The following MAPDA variants were observed in gnomAD, a reference collection of about 807,000 sequenced individuals.
The protein encoded by MAPDA is N6,N6-dimethyl-AMP deaminase.
chr15:43,346,475 G>C, the MAPDA span, among the ~76,000 whole-genome samples: 1 of 152,184 alleles, frequency 6.6e-6, no homozygotes, highest in Non-Finnish European at 1.5e-5. Flanking sequence ...CTACCCACTA[G>C]ATGCCAGTAG....
At chr15:43,334,899 G>A in the MAPDA span, 1 of 465,830 alleles carries the variant, frequency 2.1e-6, no homozygotes, top group Non-Finnish European at 3.8e-6. Context: ...ACAAAATCCT[G>A]TTTCTTTGCT....
the MAPDA span, chr15:43,330,659 A>G: frequency 4.1e-6 from 3 of 724,154 alleles, no homozygotes; most frequent in Non-Finnish European, 6.4e-6. Context: ...CGCCAACCAG[A>G]ATTGAGGAGG....
chr15:43,349,161 T>G, the MAPDA span: 1 of 1,516,954 alleles, frequency 6.6e-7, no homozygotes, highest in Non-Finnish European at 8.8e-7. Flanking sequence ...ATCTAGCTAT[T>G]AAAAGATGGA....
the MAPDA span, among the ~76,000 whole-genome samples, chr15:43,336,235 G>T: frequency 6.6e-6 from 1 of 151,910 alleles, no homozygotes; most frequent in African/African-American, 2.4e-5. Flanking sequence ...TTAGAGATGG[G>T]GGTCTCCCTA....
At chr15:43,335,246 A>G in the MAPDA span, 12 of 1,538,284 alleles carry the variant, frequency 7.8e-6, no homozygotes, top group Admixed American at 8.7e-5. Flanking sequence ...TCATCAAAGT[A>G]AATTTTGGCT....
the MAPDA span, chr15:43,345,781 T>G: frequency 3.8e-6 from 6 of 1,572,938 alleles, no homozygotes; most frequent in South Asian, 4.5e-5. Context: ...GCCATCTCTG[T>G]CTGGCTGTAC....
the MAPDA span, chr15:43,332,358 A>G: frequency 1.3e-5 from 2 of 151,900 alleles, no homozygotes; most frequent in Non-Finnish European, 2.9e-5. Flanking sequence ...TTCGTGAGGT[A>G]TCTCAGGGTT....
the MAPDA span, among the ~76,000 whole-genome samples, chr15:43,345,491 G>A: frequency 6.6e-6 from 1 of 152,214 alleles, no homozygotes; most frequent in Non-Finnish European, 1.5e-5. Flanking sequence ...AGGGTGGGAG[G>A]TGGGAGGAGA....
chr15:43,338,679 G>A, the MAPDA span, among the ~76,000 whole-genome samples: 2 of 152,180 alleles, frequency 1.3e-5, no homozygotes, highest in Non-Finnish European at 2.9e-5. Flanking sequence ...GCATAGGAGA[G>A]GAAAGCCCAA....
the MAPDA span, chr15:43,346,113 TC>T: frequency 6.4e-6 from 8 of 1,248,452 alleles, no homozygotes; most frequent in African/African-American, 1.0e-4. Flanking sequence ...GAAGGCCTGT[TC>T]TGCCCTGGAT....
At chr15:43,347,356 CTA>C in the MAPDA span, among the ~76,000 whole-genome samples, 1 of 152,116 alleles carries the variant, frequency 6.6e-6, no homozygotes, top group Non-Finnish European at 1.5e-5. Flanking sequence ...TGACGTCTTG[CTA>C]GAGAAAATGC....
the MAPDA span, chr15:43,335,742 A>G: frequency 6.2e-7 from 1 of 1,613,970 alleles, no homozygotes; most frequent in Non-Finnish European, 8.5e-7. Flanking sequence ...CATACCATGA[A>G]GAAATTAATA....
chr15:43,351,950 T>C, the MAPDA span: 1 of 1,547,940 alleles, frequency 6.5e-7, no homozygotes, highest in South Asian at 1.2e-5. Context: ...ATTTAAGCTA[T>C]AATGAGGTGA....
the MAPDA span, chr15:43,340,340 G>C: frequency 3.1e-6 from 5 of 1,613,482 alleles, no homozygotes; most frequent in Non-Finnish European, 4.2e-6. Flanking sequence ...ACCCAGAAGA[G>C]AAAATGCTAC....
At chr15:43,344,921 AG>A in the MAPDA span, among the ~76,000 whole-genome samples, 90 of 152,286 alleles carry the variant, frequency 5.9e-4, no homozygotes, top group Non-Finnish European at 1.2e-3. Context: ...CATTTTAGAA[AG>A]AGAATATTTC....
At chr15:43,340,502 T>C in the MAPDA span, 2 of 638,918 alleles carry the variant, frequency 3.1e-6, no homozygotes, top group South Asian at 2.0e-5. Context: ...GTCCAAGTCC[T>C]CTCTCTGATG....
At chr15:43,349,862 A>T in the MAPDA span, among the ~76,000 whole-genome samples, 1 of 152,230 alleles carries the variant, frequency 6.6e-6, no homozygotes, top group African/African-American at 2.4e-5. Flanking sequence ...AACCACTGGC[A>T]TAGTGATCTT....
chr15:43,341,140 A>G, the MAPDA span, among the ~76,000 whole-genome samples: 2 of 152,182 alleles, frequency 1.3e-5, no homozygotes, highest in African/African-American at 2.4e-5. Flanking sequence ...TTATGACCCA[A>G]AGAGACCTAG....
chr15:43,349,295 A>G, the MAPDA span: 67 of 1,205,578 alleles, frequency 5.6e-5, no homozygotes, highest in Non-Finnish European at 6.5e-5. Context: ...TTGGAACTCA[A>G]TAAGAATTTT....
Sources: allele counts gnomAD v4.1 joint callset (sites outside exome capture counted in the v4.1 genomes callset), GRCh38; gene constraint gnomAD v4.1.1; transcripts MANE v1.5; gene names NCBI Gene and HGNC (gene_info 2026-07-23, HGNC 2026-07-21).